The following RNFT1 variants were observed in gnomAD, a reference collection of about 807,000 sequenced individuals.
The protein encoded by RNFT1 is E3 ubiquitin-protein ligase RNFT1.
Under a neutral mutation model 53.2 loss-of-function variants are expected in RNFT1, and 35 were observed. The ratio of observed to expected loss-of-function variants is 0.66; its 90% CI spans 0.50 to 0.87. RNFT1 has a LOEUF of 0.87. Ranked by LOEUF, RNFT1 falls within the 40% of genes least tolerant of loss-of-function variation. The pLI is 0.00. For synonymous variants in RNFT1, 141 were observed against 172.8 expected, an observed-to-expected ratio of 0.82 and a Z score of 1.44; for missense variants, 421 against 515.0, an observed-to-expected ratio of 0.82 and a Z score of 1.77.
At chr17:59,963,401 T>C (rs2045310433) in intron 1 of RNFT1, 117 bp from the exon 2 acceptor site, 1 of 844,726 alleles carries the variant, frequency 1.2e-6, no homozygotes. Context: ...AACAGATGAA[T>C]TTTCAGGTTA....
rs1263651392 is a variant in RNFT1 at position 59,962,916 on chromosome 17, GAGA to G, written c.422_424del (p.Phe141del). The G allele has an allele frequency of 5.6e-6, 9 of 1,614,100 alleles. No individual in the cohort carries two copies. Among genetic ancestry groups the G allele is most frequent in the Non-Finnish European group, 7.6e-6 (9 of 1,180,038 alleles). Reference sequence around the variant, plus strand: ...CCACTTGAAGAGATAGCGGAATTCTGAGAAGGAGCTACTACCATGATCTCCAGA... The same window carrying G: ...CCACTTGAAGAGATAGCGGAATTCTGAGGAGCTACTACCATGATCTCCAGA... On this transcript the variant is annotated inframe_deletion, in exon 2 of 9. Transcript: ENST00000305783.
intron 1 of RNFT1, among the ~76,000 whole-genome samples, chr17:59,963,739 A>C (rs2045313074): frequency 7.1e-6 from 1 of 141,518 alleles, no homozygotes; most frequent in African/African-American, 3.2e-5. Flanking sequence ...AGGAAAAAAA[A>C]CAACATTAAA....
chr17:59,963,689 AG>A (rs1160921828), intron 1 of RNFT1, among the ~76,000 whole-genome samples: 1 of 152,196 alleles, frequency 6.6e-6, no homozygotes, highest in African/African-American at 2.4e-5. Context: ...AAGTTTCATA[AG>A]GAAGAGTGAG....
At chr17:59,959,743 C>G (rs566629499) in intron 4 of RNFT1, 1 of 159,636 alleles carries the variant, frequency 6.3e-6, no homozygotes, top group Non-Finnish European at 1.4e-5. Flanking sequence ...AACTCCGTCT[C>G]TATTAAAAAT....
At chr17:59,960,794 C>T (rs1022883301) in intron 3 of RNFT1, among the ~76,000 whole-genome samples, 4 of 151,852 alleles carry the variant, frequency 2.6e-5, no homozygotes, top group Non-Finnish European at 5.9e-5. Flanking sequence ...GCCCGGGTGA[C>T]AGAGCAAAAC....
In RNFT1 at chr17:59,964,535, C is replaced by T. The variant is rs941394588; in HGVS notation, c.56+73G>A. 68 of 1,437,130 alleles carry T rather than the reference C, an allele frequency of 4.7e-5. No homozygotes were observed. The Middle Eastern group carries it at 8.7e-4, about 18-fold the overall frequency. 89.0% of individuals were successfully genotyped at this position (1,437,130 alleles called of 1,614,324 possible). On this transcript the variant is annotated intron_variant, in intron 1 of 8. Coordinates refer to ENST00000305783, the MANE Select transcript of RNFT1 (RefSeq NM_016125.4). The stretch of plus-strand genomic sequence containing the variant: ...CCACCCACGTCCGAGCCTCGAGTGC[C>T]TATTCTCCCCAGAGCCCCCTGCGCC...
Position 59,952,918 on chromosome 17 carries a change from T to TCA in RNFT1, c.*57_*58dup. On this transcript the variant is annotated 3_prime_UTR_variant, in exon 9 of 9. Coordinates refer to ENST00000305783, the MANE Select transcript of RNFT1 (RefSeq NM_016125.4). ...CCTGAAAATCCATTCTGATGCCTTA[T>TCA]CAGTAGTCATTATGACCAAATGACA... is the stretch of plus-strand genomic sequence containing the variant. 1.3e-6 allele frequency: 2 copies of TCA among 1,519,688 alleles called. No individual in the cohort carries two copies. The highest frequency in any genetic ancestry group is 1.8e-6 in the Non-Finnish European group (2 of 1,109,010). The allele number at this position is 1,519,688 out of a possible 1,614,324, so 94.1% of individuals were successfully genotyped here.
chr17:59,955,953 C>A (rs1247286172), intron 7 of RNFT1, among the ~76,000 whole-genome samples: 1 of 152,118 alleles, frequency 6.6e-6, no homozygotes, highest in Admixed American at 6.5e-5. Context: ...ATAAATGACA[C>A]CAGAGACTCA....
intron 3 of RNFT1, among the ~76,000 whole-genome samples, chr17:59,960,472 T>TA (rs2045282928): frequency 5.6e-5 from 6 of 106,300 alleles, no homozygotes; most frequent in Admixed American, 9.2e-5. Flanking sequence ...TTAAATTAAA[T>TA]TAAAAAAAAA....
At chr17:59,964,202 G>A (rs2045317510) in intron 1 of RNFT1, among the ~76,000 whole-genome samples, 1 of 152,200 alleles carries the variant, frequency 6.6e-6, no homozygotes, top group South Asian at 2.1e-4. Flanking sequence ...TCTAGGAGGA[G>A]GCTAGAGTTA....
chr17:59,962,345 A>G, intron 3 of RNFT1, 195 bp downstream of exon 3: 2 of 488,106 alleles, frequency 4.1e-6, no homozygotes, highest in East Asian at 6.5e-5. Context: ...AAAGAAGGTA[A>G]GGTGAAGGAA....
In RNFT1 at chr17:59,963,111, C is replaced by A; in HGVS notation, c.230G>T (p.Gly77Val). 6.2e-7 allele frequency: 1 copy of A among 1,614,180 alleles called. No homozygotes were observed. ...LTGEGSCPHS[G>V]DVHIQINSIP... The stretch of plus-strand genomic sequence containing the variant: ...GGAGTTTATCTGGATATGAACATCT[C>A]CAGAATGAGGGCAAGAACCCTCTCC... Residue 77 changes from glycine to valine, a missense_variant, in exon 2 of 9, where the codon GGA (glycine) becomes GTA (valine). By Grantham distance (109) the Gly-to-Val change is moderately radical. Coordinates refer to ENST00000305783, the MANE Select transcript of RNFT1 (RefSeq NM_016125.4).
At position 59,964,725 on chromosome 17, in the gene RNFT1, G is replaced by C; in HGVS notation, c.-62C>G. 1 of 1,495,418 alleles carries C rather than the reference G, an allele frequency of 6.7e-7. No homozygotes were observed. The highest frequency in any genetic ancestry group is 9.0e-7 in the Non-Finnish European group (1 of 1,116,632). 92.6% of individuals were successfully genotyped at this position (1,495,418 alleles called of 1,614,324 possible). ...GCAAACCCCGCAAGCTCTTCTCTCA[G>C]CCCGGCGGCAACGGCGGCGGCGCGC... On this transcript the variant is annotated 5_prime_UTR_variant, in exon 1 of 9. Transcript: ENST00000305783.
chr17:59,956,046 G>T (rs1192801931), intron 7 of RNFT1, among the ~76,000 whole-genome samples: 1 of 152,132 alleles, frequency 6.6e-6, no homozygotes, highest in East Asian at 1.9e-4. Flanking sequence ...TAAGAAAACT[G>T]CAAGAGACAT....
At chr17:59,963,309 C>T (rs1344353433) in intron 1 of RNFT1, 25 bp from the exon 2 acceptor site, 2 of 1,580,640 alleles carry the variant, frequency 1.3e-6, no homozygotes, top group African/African-American at 2.7e-5. Flanking sequence ...AAAAGATATT[C>T]TAAGTAAACA....
intron 8 of RNFT1, 165 bp downstream of exon 8, chr17:59,953,880 A>C: frequency 2.0e-6 from 1 of 500,920 alleles, no homozygotes; most frequent in Non-Finnish European, 3.5e-6. Context: ...AATTATCAGA[A>C]CATAAGGGAC....
intron 8 of RNFT1, 77 bp downstream of exon 8, chr17:59,953,968 C>G (rs903443195): frequency 4.7e-6 from 4 of 854,994 alleles, no homozygotes; most frequent in African/African-American, 3.6e-5. Flanking sequence ...TTTTGCCTTA[C>G]AGCAAACATA....
At chr17:59,954,696 A>G (rs1170041988) in intron 7 of RNFT1, among the ~76,000 whole-genome samples, 2 of 152,212 alleles carry the variant, frequency 1.3e-5, no homozygotes, top group Admixed American at 6.5e-5. Flanking sequence ...TGCAATATGA[A>G]GAAGACTTAG....
intron 7 of RNFT1, 135 bp downstream of exon 7, chr17:59,956,353 T>C (rs2045254175): frequency 1.5e-6 from 1 of 654,444 alleles, no homozygotes; most frequent in Admixed American, 3.1e-5. Context: ...AGTGCCAAAG[T>C]ACTAGAAAAT....
Sources: allele counts gnomAD v4.1 joint callset (sites outside exome capture counted in the v4.1 genomes callset), GRCh38; gene constraint gnomAD v4.1.1; transcripts MANE v1.5; gene names NCBI Gene and HGNC (gene_info 2026-07-23, HGNC 2026-07-21).